The following TULP4 variants were observed in gnomAD, a reference collection of about 807,000 sequenced individuals.
The protein encoded by TULP4 is TUB like protein 4, also known as tubby-related protein 4.
TULP4 carries 16 observed loss-of-function variants against 129.0 expected under a neutral mutation model. The ratio of observed to expected loss-of-function variants is 0.12; its 90% CI spans 0.08 to 0.19. The LOEUF (loss-of-function observed/expected upper bound fraction) is 0.19. TULP4 is among the 10% of genes least tolerant of loss of function. The pLI is 1.00. For synonymous variants in TULP4, 998 were observed against 854.0 expected (o/e 1.17, Z -2.94); for missense variants, 1,842 against 2,059.1 (o/e 0.89, Z 2.04).
chr6:158,506,580 G>A lies in TULP4; in HGVS notation c.4518G>A (p.Val1506=), dbSNP rs763265160. 2 of 1,603,464 alleles carry A rather than the reference G, an allele frequency of 1.2e-6. No individual in the cohort carries two copies. The highest frequency in any genetic ancestry group is 2.2e-5 in the South Asian group (2 of 90,808). ...NFQIELEGRQ[V]MQFGRIDGSA... is the part of the protein sequence containing the mutation. ...TTGCTTCCCCTGCCCTCCTCCAGGT[G>A]ATGCAGTTTGGACGGATTGATGGCA... The change falls in exon 14 of 14, where the codon GTG becomes GTA. Residue 1506 remains valine, a splice_region_variant and synonymous_variant. Transcript: ENST00000367097.
chr6:158,314,619 C>A (rs150057879), intron 1 of TULP4, among the ~76,000 whole-genome samples: 9 of 152,278 alleles, frequency 5.9e-5, no homozygotes, highest in African/African-American at 2.2e-4. Context: ...ACCAACTTTT[C>A]GTGCTCCAAG....
chr6:158,378,775 G>A (rs1168597297), intron 1 of TULP4, among the ~76,000 whole-genome samples: 2 of 145,580 alleles, frequency 1.4e-5, no homozygotes, highest in Non-Finnish European at 3.1e-5. Flanking sequence ...ATGCGCTACC[G>A]CGCCTGGCCA....
rs983402464 is a variant in TULP4, at chr6:158,479,671, C to T, written c.1027-80C>T. On this transcript the variant is annotated intron_variant, in intron 6 of 13. Transcript: ENST00000367097. The stretch of plus-strand genomic sequence containing the variant: ...TCAAAACAGCTTATTTTATTTTGCT[C>T]GAGACAAGTGTGCATTATCCCTTTT... The T allele has an allele frequency of 6.7e-6, 9 of 1,343,380 alleles. No homozygotes were observed. The East Asian group carries it at 9.5e-5, about 14-fold the overall frequency. The allele number at this position is 1,343,380 out of a possible 1,614,324, so 83.2% of individuals were successfully genotyped here.
At chr6:158,385,864 A>ATTTTTTTTTTTTTTTTTTTTT (rs1777436483) in intron 1 of TULP4, among the ~76,000 whole-genome samples, 1 of 15,768 alleles carries the variant, frequency 6.3e-5, no homozygotes. Context: ...TTTTTTTTTG[A>ATTTTTTTTTTTTTTTTTTTTT]GAAAAAGTCT....
intron 2 of TULP4, among the ~76,000 whole-genome samples, chr6:158,425,374 A>G (rs1186154958): frequency 1.3e-5 from 2 of 148,866 alleles, no homozygotes; most frequent in East Asian, 4.3e-4. Flanking sequence ...TTAGCCAGGT[A>G]TGGTAGCAGG....
chr6:158,416,711 C>T (rs1484602644), intron 2 of TULP4, among the ~76,000 whole-genome samples: 1 of 152,178 alleles, frequency 6.6e-6, no homozygotes, highest in Non-Finnish European at 1.5e-5. Context: ...TCTACAGTAG[C>T]TACAAGGTAA....
chr6:158,463,147 T>C (rs1046937173), intron 6 of TULP4, among the ~76,000 whole-genome samples: 1 of 152,230 alleles, frequency 6.6e-6, no homozygotes, highest in Non-Finnish European at 1.5e-5. Flanking sequence ...TGGCTTATTC[T>C]AGTCTCCTAC....
chr6:158,464,476 C>T (rs1000490146), intron 6 of TULP4, among the ~76,000 whole-genome samples: 5 of 152,156 alleles, frequency 3.3e-5, no homozygotes, highest in Non-Finnish European at 7.4e-5. Flanking sequence ...CGTTCTTGTT[C>T]CCCGCTGCAA....
intron 11 of TULP4, among the ~76,000 whole-genome samples, chr6:158,497,131 G>A (rs1308418016): frequency 6.6e-6 from 1 of 152,204 alleles, no homozygotes; most frequent in Non-Finnish European, 1.5e-5. Context: ...GGAATTACAG[G>A]TGCGAGCTAC....
intron 1 of TULP4, among the ~76,000 whole-genome samples, chr6:158,322,941 G>C (rs1239687063): frequency 3.3e-5 from 5 of 152,086 alleles, no homozygotes; most frequent in African/African-American, 1.2e-4. Flanking sequence ...CTTTGAGCAG[G>C]GCCTTGAGAA....
chr6:158,424,104 A>C (rs1172797413), intron 2 of TULP4, among the ~76,000 whole-genome samples: 1 of 152,216 alleles, frequency 6.6e-6, no homozygotes, highest in Non-Finnish European at 1.5e-5. Context: ...TATATTTTTA[A>C]AATATATTTG....
chr6:158,502,969 G>C lies in TULP4; in HGVS notation c.3306G>C (p.Lys1102Asn). ...TGTCCCAGCACTGTCAGCTTGAGAA[G>C]CCCTTGAGGCACCCTCCCCTGCCTG... ...EALSQHCQLE[K>N]PLRHPPLPEA... The change falls in exon 13 of 14, where the codon AAG (lysine) becomes AAC (asparagine). Residue 1102 changes from lysine (K) to asparagine (N), a missense_variant. Lys to Asn is a moderately conservative substitution (Grantham distance 94, BLOSUM62 0). Around this residue, in one of 5 missense-constraint regions of TULP4, gnomAD observed 1,089 missense variants for 987.1 expected, o/e 1.10. Coordinates refer to ENST00000367097, the MANE Select transcript of TULP4 (RefSeq NM_020245.5). 6.2e-7 allele frequency: 1 copy of C among 1,613,894 alleles called. No homozygotes were observed. Among genetic ancestry groups the C allele is most frequent in the South Asian group, 1.1e-5 (1 of 91,070 alleles).
chr6:158,296,961 G>A (rs557717288), intron 1 of TULP4, among the ~76,000 whole-genome samples: 33 of 152,300 alleles, frequency 2.2e-4, no homozygotes, highest in African/African-American at 7.2e-4. Flanking sequence ...GTATTATCTT[G>A]ATAAACATCT....
chr6:158,452,800 C>T (rs188112350), intron 5 of TULP4, among the ~76,000 whole-genome samples: 1 of 152,318 alleles, frequency 6.6e-6, no homozygotes, highest in East Asian at 1.9e-4. Flanking sequence ...CTGATACCTT[C>T]CTGATAGATA....
At chr6:158,268,052 T>G (rs1778482934) in intron 1 of TULP4, among the ~76,000 whole-genome samples, 1 of 136,772 alleles carries the variant, frequency 7.3e-6, no homozygotes, top group Non-Finnish European at 1.6e-5. Context: ...TTTTTTTTTT[T>G]GAGACGTACT....
chr6:158,384,124 T>A (rs1777385999), intron 1 of TULP4, among the ~76,000 whole-genome samples: 1 of 152,156 alleles, frequency 6.6e-6, no homozygotes, highest in South Asian at 2.1e-4. Context: ...CAGTAATATT[T>A]TGTTTCTTTG....
chr6:158,444,246 ATT>A (rs1554291963), intron 3 of TULP4, among the ~76,000 whole-genome samples: 1 of 86,706 alleles, frequency 1.2e-5, no homozygotes, highest in Non-Finnish European at 2.5e-5. Context: ...AAAAAAAAAA[ATT>A]TTTTTTTTTT....
chr6:158,360,813 G>A (rs1780769124), intron 1 of TULP4, among the ~76,000 whole-genome samples: 1 of 152,150 alleles, frequency 6.6e-6, no homozygotes, highest in Admixed American at 6.5e-5. Flanking sequence ...TTCATGCTCT[G>A]TCATGTATAA....
At position 158,429,721 on chromosome 6, in the gene TULP4, G is replaced by T. The variant is rs756262749; in HGVS notation, c.382-15G>T. The stretch of plus-strand genomic sequence containing the variant: ...TCAGATTACAAATTGACTCTTTTCT[G>T]TGTGTGTCCCCAAGGTGAGTGATTT... On this transcript the variant is annotated splice_polypyrimidine_tract_variant and intron_variant, in intron 2 of 13. Coordinates refer to ENST00000367097, the MANE Select transcript of TULP4 (RefSeq NM_020245.5). 1 of 1,601,682 alleles carries T rather than the reference G, an allele frequency of 6.2e-7. No individual in the cohort carries two copies. The highest frequency in any genetic ancestry group is 1.7e-5 in the Admixed American group (1 of 58,576).
Sources: allele counts gnomAD v4.1 joint callset (sites outside exome capture counted in the v4.1 genomes callset), GRCh38; gene constraint gnomAD v4.1.1; regional missense constraint gnomAD v4.1.1; transcripts MANE v1.5; gene names NCBI Gene and HGNC (gene_info 2026-07-23, HGNC 2026-07-21).